The following STX12 variants were observed in gnomAD, a reference collection of about 807,000 sequenced individuals.
STX12 encodes the protein syntaxin-12.
In STX12, 17 loss-of-function variants were observed where a neutral mutation model predicts 42.2. That is an observed-to-expected ratio of 0.40 (90% CI 0.28 to 0.60). The LOEUF is 0.60. Ranked by LOEUF, STX12 falls within the 20% of genes least tolerant of loss-of-function variation. The pLI is 0.39. For missense variants in STX12, 297 were observed against 330.9 expected, an observed-to-expected ratio of 0.90 and a Z score of 0.79; for synonymous variants, 108 against 116.7, an observed-to-expected ratio of 0.93 and a Z score of 0.48.
intron 6 of STX12, among the ~76,000 whole-genome samples, chr1:27,812,731 G>A (rs1218694409): frequency 6.6e-6 from 1 of 152,020 alleles, no homozygotes; most frequent in Non-Finnish European, 1.5e-5. Context: ...GTGAGTCACC[G>A]CTCCTGGCAT....
At chr1:27,821,166 A>AT (rs954704889) in intron 8 of STX12, among the ~76,000 whole-genome samples, 1 of 151,562 alleles carries the variant, frequency 6.6e-6, no homozygotes, top group Non-Finnish European at 1.5e-5. Context: ...TTAACGTATA[A>AT]TTAAAAAAAA....
At chr1:27,783,477 G>A (rs1383590231) in intron 1 of STX12, among the ~76,000 whole-genome samples, 2 of 152,150 alleles carry the variant, frequency 1.3e-5, no homozygotes, top group African/African-American at 2.4e-5. Flanking sequence ...GAGACTATAG[G>A]CATGTGCCAT....
At chr1:27,815,038 TGTAA>T (rs2148607361) in intron 6 of STX12, among the ~76,000 whole-genome samples, 1 of 152,278 alleles carries the variant, frequency 6.6e-6, no homozygotes, top group Admixed American at 6.5e-5. Context: ...ACTAATACAA[TGTAA>T]GTGCTATGTA....
rs187594159 is a variant in STX12 at position 27,796,232 on chromosome 1, C to T, written c.288+2600C>T. Among the ~76,000 whole-genome samples, 7 of 152,250 alleles carry T rather than the reference C, an allele frequency of 4.6e-5. No individual in the cohort carries two copies. The East Asian group carries it at 1.3e-3, about 29-fold the overall frequency. On this transcript the variant is annotated intron_variant, in intron 3 of 8. Coordinates refer to ENST00000373943, the MANE Select transcript of STX12 (RefSeq NM_177424.3). ...TGCTCTGTATCCTTTTGTCTTTCTA[C>T]TCTTTTCTCATCTAATTAATCTTAG...
chr1:27,789,019 A>AT (rs898335393), intron 1 of STX12, among the ~76,000 whole-genome samples: 6 of 151,994 alleles, frequency 3.9e-5, no homozygotes, highest in African/African-American at 1.2e-4. Flanking sequence ...TCAAAAAAAA[A>AT]AAATAAATAA....
intron 5 of STX12, among the ~76,000 whole-genome samples, chr1:27,810,583 A>G (rs1018218960): frequency 6.6e-6 from 1 of 152,166 alleles, no homozygotes; most frequent in Non-Finnish European, 1.5e-5. Context: ...CTACATGTCT[A>G]CAGATTAGGA....
chr1:27,818,491 A>G (rs372281545), intron 7 of STX12, among the ~76,000 whole-genome samples: 34 of 152,166 alleles, frequency 2.2e-4, no homozygotes, highest in African/African-American at 7.9e-4. Context: ...CAATTTTTTT[A>G]TGTTATCAAA....
chr1:27,794,889 A>G (rs1174808448), intron 3 of STX12, among the ~76,000 whole-genome samples: 1 of 151,930 alleles, frequency 6.6e-6, no homozygotes, highest in Non-Finnish European at 1.5e-5. Context: ...ACGCAGCTAA[A>G]TTTTTAAATT....
At chr1:27,814,618 G>GC (rs2088927935) in intron 6 of STX12, among the ~76,000 whole-genome samples, 1 of 152,114 alleles carries the variant, frequency 6.6e-6, no homozygotes, top group South Asian at 2.1e-4. Flanking sequence ...GGAGGCTGAG[G>GC]CGAGTGGCTC....
intron 4 of STX12, among the ~76,000 whole-genome samples, chr1:27,806,353 G>A (rs2088862561): frequency 6.6e-6 from 1 of 152,104 alleles, no homozygotes; most frequent in Admixed American, 6.5e-5. Flanking sequence ...TAAGTTTTTA[G>A]TAAGTTCTTA....
chr1:27,817,613 G>A (rs1013165355), intron 6 of STX12, among the ~76,000 whole-genome samples: 3 of 152,140 alleles, frequency 2.0e-5, no homozygotes, highest in East Asian at 1.9e-4. Flanking sequence ...GGACTTGGGC[G>A]CTCTTACTGG....
At chr1:27,792,989 G>C (rs2088759424) in intron 2 of STX12, among the ~76,000 whole-genome samples, 1 of 152,164 alleles carries the variant, frequency 6.6e-6, no homozygotes, top group African/African-American at 2.4e-5. Context: ...CAGGTATAAA[G>C]AGCAGGTAGG....
At chr1:27,817,696 T>G (rs2088952842) in intron 6 of STX12, among the ~76,000 whole-genome samples, 155 bp from the exon 7 acceptor site, 1 of 152,236 alleles carries the variant, frequency 6.6e-6, no homozygotes, top group Non-Finnish European at 1.5e-5. Context: ...CAATATTGGG[T>G]AGGCAGCAAT....
At chr1:27,793,820 A>G (rs1183833900) in intron 3 of STX12, among the ~76,000 whole-genome samples, 188 bp downstream of exon 3, 1 of 152,112 alleles carries the variant, frequency 6.6e-6, no homozygotes, top group Admixed American at 6.6e-5. Context: ...TGTACACACC[A>G]GATGTGGCAA....
chr1:27,776,889 A>T (rs1244311431), intron 1 of STX12, among the ~76,000 whole-genome samples: 4 of 152,210 alleles, frequency 2.6e-5, no homozygotes, highest in Non-Finnish European at 5.9e-5. Context: ...CTCCTCTGCC[A>T]GATTGTTAGC....
chr1:27,813,024 TA>T (rs2088915595), intron 6 of STX12, among the ~76,000 whole-genome samples: 1 of 152,168 alleles, frequency 6.6e-6, no homozygotes, highest in Non-Finnish European at 1.5e-5. Flanking sequence ...TTGTATATCC[TA>T]AAGTCTAATC....
At chr1:27,800,965 A>T (rs1361413958) in intron 3 of STX12, among the ~76,000 whole-genome samples, 2 of 152,260 alleles carry the variant, frequency 1.3e-5, no homozygotes, top group Non-Finnish European at 1.5e-5. Context: ...TGTGAATTCA[A>T]TATAGATGAA....
At chr1:27,809,343 AAAAG>A (rs2088887480) in intron 4 of STX12, among the ~76,000 whole-genome samples, 2 of 151,854 alleles carry the variant, frequency 1.3e-5, no homozygotes, top group Admixed American at 1.3e-4. Flanking sequence ...CAAAAAAAAA[AAAAG>A]AAAAGAAAAG....
At chr1:27,786,678 C>A (rs1256740825) in intron 1 of STX12, among the ~76,000 whole-genome samples, 1 of 152,076 alleles carries the variant, frequency 6.6e-6, no homozygotes, top group African/African-American at 2.4e-5. Context: ...TGAATGAGTT[C>A]TGTAACTCTC....
Sources: allele counts gnomAD v4.1 joint callset (sites outside exome capture counted in the v4.1 genomes callset), GRCh38; gene constraint gnomAD v4.1.1; transcripts MANE v1.5; gene names NCBI Gene and HGNC (gene_info 2026-07-23, HGNC 2026-07-21).